ASIC2: variants seen among roughly 807,000 people sequenced by gnomAD.
ASIC2 encodes acid-sensing ion channel 2.
In ASIC2, 25 loss-of-function variants were observed where a neutral mutation model predicts 57.3. The ratio of observed to expected loss-of-function variants is 0.44; its 90% CI spans 0.32 to 0.61. ASIC2 has a LOEUF of 0.61. Among genes scored for constraint, ASIC2 ranks in the 20% least tolerant of loss-of-function variants. The pLI, the probability that ASIC2 is intolerant of heterozygous loss-of-function variation, is 0.06. For synonymous variants in ASIC2, 319 were observed against 307.5 expected (o/e 1.04, Z -0.39); for missense variants, 641 against 738.1 (o/e 0.87, Z 1.52).
chr17:33,377,751 C>G (rs1909333718), intron 1 of ASIC2, among the ~76,000 whole-genome samples: 1 of 152,236 alleles, frequency 6.6e-6, no homozygotes, highest in African/African-American at 2.4e-5. Flanking sequence ...TTCTCAACCC[C>G]TAGCTCCTCT....
At chr17:33,300,356 G>A (rs1164773634) in intron 1 of ASIC2, among the ~76,000 whole-genome samples, 2 of 150,906 alleles carry the variant, frequency 1.3e-5, no homozygotes, top group African/African-American at 4.9e-5. Context: ...CCTTCCTTTG[G>A]CACCTCATTT....
chr17:33,297,848 AAATAAATAAATAAATAAAT>A (rs1905780807), upstream of ASIC2, among the ~76,000 whole-genome samples: 1 of 141,962 alleles, frequency 7.0e-6, no homozygotes, highest in African/African-American at 3.0e-5. Flanking sequence ...ATAAATAAAT[AAATAAATAAATAAATAAAT>A]AATAAAGTTT....
chr17:34,043,027 T>C (rs1190056337), intron 1 of ASIC2, among the ~76,000 whole-genome samples: 2 of 152,274 alleles, frequency 1.3e-5, no homozygotes, highest in Non-Finnish European at 2.9e-5. Flanking sequence ...CAAAATAAGT[T>C]AGACACAAAA....
At chr17:33,985,240 C>A (rs1905774994) in intron 1 of ASIC2, among the ~76,000 whole-genome samples, 1 of 152,134 alleles carries the variant, frequency 6.6e-6, no homozygotes, top group Admixed American at 6.5e-5. Flanking sequence ...GGGAAATGAT[C>A]TATATAAAGT....
chr17:33,336,763 C>T (rs1383883584), intron 1 of ASIC2, among the ~76,000 whole-genome samples: 1 of 152,032 alleles, frequency 6.6e-6, no homozygotes, highest in East Asian at 1.9e-4. Context: ...GGCTAGACTC[C>T]GACTGATTCT....
At chr17:34,096,164 A>C (rs941465061) in intron 1 of ASIC2, among the ~76,000 whole-genome samples, 7 of 152,158 alleles carry the variant, frequency 4.6e-5, no homozygotes, top group Non-Finnish European at 1.0e-4. Flanking sequence ...AGCCCTAACA[A>C]ACACACAGAA....
chr17:33,795,776 A>G (rs1165939422), intron 1 of ASIC2, among the ~76,000 whole-genome samples: 1 of 152,240 alleles, frequency 6.6e-6, no homozygotes, highest in Non-Finnish European at 1.5e-5. Context: ...AAACTAAGAA[A>G]GCCTAAGTTC....
intron 1 of ASIC2, among the ~76,000 whole-genome samples, chr17:33,401,992 T>C (rs754953360): frequency 6.6e-6 from 1 of 152,184 alleles, no homozygotes; most frequent in Non-Finnish European, 1.5e-5. Flanking sequence ...TTGACTCCAA[T>C]TCCCTCCATG....
chr17:34,033,353 A>G (rs536088165), intron 1 of ASIC2, among the ~76,000 whole-genome samples: 103 of 152,322 alleles, frequency 6.8e-4, no homozygotes, highest in Middle Eastern at 6.8e-3. Context: ...TCTCTGGGAC[A>G]CATTCAAAGC....
At chr17:33,594,860 G>C (rs200705462) in intron 1 of ASIC2, among the ~76,000 whole-genome samples, 3 of 151,750 alleles carry the variant, frequency 2.0e-5, no homozygotes, top group Non-Finnish European at 4.4e-5. Flanking sequence ...CTGTTTAAGC[G>C]GTGAGTAAGC....
intron 1 of ASIC2, among the ~76,000 whole-genome samples, chr17:33,157,344 T>C (rs894543110): frequency 6.6e-6 from 1 of 152,188 alleles, no homozygotes; most frequent in Non-Finnish European, 1.5e-5. Context: ...CCCTGTAGGA[T>C]AGGCACCGTG....
At chr17:33,642,209 C>T (rs1281330053) in intron 1 of ASIC2, among the ~76,000 whole-genome samples, 1 of 3,982 alleles carries the variant, frequency 2.5e-4, no homozygotes, top group Non-Finnish European at 6.6e-4. Flanking sequence ...AAAAGGACAC[C>T]CCCCCCCCCC....
chr17:33,297,259 G>A (rs1431769562), upstream of ASIC2, among the ~76,000 whole-genome samples: 1 of 152,106 alleles, frequency 6.6e-6, no homozygotes. Flanking sequence ...TAGGCTCTTG[G>A]GTGTGAATCT....
At chr17:33,313,669 T>TAGCAAA (rs760246905) in intron 1 of ASIC2, among the ~76,000 whole-genome samples, 2 of 152,158 alleles carry the variant, frequency 1.3e-5, no homozygotes, top group Non-Finnish European at 2.9e-5. Context: ...TGTGTGACAT[T>TAGCAAA]TGCTAAGAAA....
chr17:33,737,940 A>G (rs1395704277), intron 1 of ASIC2, among the ~76,000 whole-genome samples: 1 of 152,226 alleles, frequency 6.6e-6, no homozygotes, highest in Non-Finnish European at 1.5e-5. Flanking sequence ...GGAAAAACCC[A>G]ACTTGGTAAA....
intron 1 of ASIC2, among the ~76,000 whole-genome samples, chr17:34,017,577 G>A (rs1426235574): frequency 6.6e-6 from 1 of 152,202 alleles, no homozygotes; most frequent in East Asian, 1.9e-4. Context: ...CAAAAAGTTA[G>A]CCAAGTTGTG....
chr17:33,317,056 C>T (rs1489427944), intron 1 of ASIC2, among the ~76,000 whole-genome samples: 1 of 152,216 alleles, frequency 6.6e-6, no homozygotes, highest in Non-Finnish European at 1.5e-5. Context: ...GTTGCTTAGG[C>T]CCGATCTTGG....
chr17:34,073,038 G>A (rs919649256), intron 1 of ASIC2, among the ~76,000 whole-genome samples: 1 of 152,164 alleles, frequency 6.6e-6, no homozygotes, highest in African/African-American at 2.4e-5. Context: ...AGAACCAGGA[G>A]GTGATAGGAG....
chr17:34,081,317 A>G (rs1016133534), intron 1 of ASIC2, among the ~76,000 whole-genome samples: 6 of 152,206 alleles, frequency 3.9e-5, no homozygotes. Flanking sequence ...TGGGTATCAG[A>G]TATCTACTTT....
Sources: gnomAD v4.1 joint callset for allele counts (sites outside exome capture counted in the v4.1 genomes callset) on GRCh38, gnomAD v4.1.1 for gene constraint, MANE v1.5 for transcripts, NCBI Gene and HGNC (gene_info 2026-07-23, HGNC 2026-07-21) for gene names.